Variants in ID4 observed in about 807,000 individuals in gnomAD.
ID4 encodes inhibitor of DNA binding 4.
Under a neutral mutation model 8.6 loss-of-function variants are expected in ID4, and 9 were observed. That is an observed-to-expected ratio of 1.04 (90% CI 0.63 to 1.82). The LOEUF is 1.82. Ranked by LOEUF, ID4 falls within the 40% of genes most tolerant of loss-of-function variation. ID4 has a pLI of 0.00. For missense variants in ID4, 270 were observed against 235.1 expected (o/e 1.15, Z -0.97); for synonymous variants, 180 against 118.0 (o/e 1.53, Z -3.41).
chr6:19,838,382 G>A (rs1334159033), intron 1 of ID4, among the ~76,000 whole-genome samples, 187 bp downstream of exon 1: 1 of 152,098 alleles, frequency 6.6e-6, no homozygotes, highest in Non-Finnish European at 1.5e-5. Context: ...GCGCGGGTCC[G>A]GGAGAACGCG....
chr6:19,838,943 G>A lies in ID4; in HGVS notation c.*15-267G>A, dbSNP rs377452008. 226 of 448,652 alleles carry A rather than the reference G, an allele frequency of 5.0e-4. 6 individuals are homozygous for A. In the South Asian group the frequency reaches 5.4e-3, roughly 11 times the overall value. 27.8% of individuals were successfully genotyped at this position (448,652 alleles called of 1,614,324 possible). Reference sequence around the variant, plus strand: ...GTTCCCGAGGGAGGGCACCCTCGTGGGCATGGGAGCTGCCCCGGTGTCCTC... The same window carrying A: ...GTTCCCGAGGGAGGGCACCCTCGTGAGCATGGGAGCTGCCCCGGTGTCCTC... On this transcript the variant is annotated intron_variant, in intron 2 of 2. Transcript: ENST00000378700.
chr6:19,837,671 C>T lies in ID4; in HGVS notation c.-84C>T, dbSNP rs1402037327. 1 of 971,648 alleles carries T rather than the reference C, an allele frequency of 1.0e-6. No homozygotes were observed. The highest frequency in any genetic ancestry group is 1.3e-6 in the Non-Finnish European group (1 of 798,882). 60.2% of individuals were successfully genotyped at this position (971,648 alleles called of 1,614,324 possible). A position where few individuals can be genotyped will look rare whatever the true frequency, so the allele number is the denominator to read the frequency against. On this transcript the variant is annotated 5_prime_UTR_variant, in exon 1 of 3. Transcript: ENST00000378700. ...GGGCGCGGAGGCAAAGGGAGCGGAGCCGGCCGCGGACGGGGCCCGGAGCTT... is the reference window on the plus strand; with the variant it reads ...GGGCGCGGAGGCAAAGGGAGCGGAGTCGGCCGCGGACGGGGCCCGGAGCTT...
chr6:19,841,713 T>TA lies in ID4; in HGVS notation c.*2524dup, dbSNP rs745538474. 2.9e-4 allele frequency among the ~76,000 whole-genome samples: 44 copies of TA among 152,342 alleles called. No individual in the cohort carries two copies. The highest frequency in any genetic ancestry group is 5.0e-4 in the Non-Finnish European group (34 of 68,030). ...AGAAACAAAGTCATTGTTTATTTTT[T>TA]AAAAAATTATATGCAGTTGTACAAG... On this transcript the variant is annotated 3_prime_UTR_variant, in exon 3 of 3. Coordinates refer to ENST00000378700, the MANE Select transcript of ID4 (RefSeq NM_001546.4).
In ID4 at chr6:19,837,628, C is replaced by A; in HGVS notation, c.-127C>A. ...TCAATTGTTGGGCTCGGGAGTGTCG[C>A]GGTGCCCCGAGCGCGCCGGGCGCGG... On this transcript the variant is annotated 5_prime_UTR_variant, in exon 1 of 3. Coordinates refer to ENST00000378700, the MANE Select transcript of ID4 (RefSeq NM_001546.4). 3.8e-6 allele frequency: 2 copies of A among 527,164 alleles called. No homozygotes were observed. Among genetic ancestry groups the A allele is most frequent in the Non-Finnish European group, 5.1e-6 (2 of 394,272 alleles). 32.7% of individuals were successfully genotyped at this position (527,164 alleles called of 1,614,324 possible).
At position 19,841,824 on chromosome 6, in the gene ID4, C is replaced by G. The variant is rs957829338; in HGVS notation, c.*2629C>G. On this transcript the variant is annotated 3_prime_UTR_variant, in exon 3 of 3. Transcript: ENST00000378700. Reference sequence around the variant, plus strand: ...TTTTGAGTCTTTTATCTAGGTAGTTCTAATTATTCAGCTACTTAGTTTAAC... The same window carrying G: ...TTTTGAGTCTTTTATCTAGGTAGTTGTAATTATTCAGCTACTTAGTTTAAC... 6.6e-6 allele frequency among the ~76,000 whole-genome samples: 1 copy of G among 152,150 alleles called. No homozygotes were observed. The highest frequency in any genetic ancestry group is 2.4e-5 in the African/African-American group (1 of 41,440).
chr6:19,842,161 G>A lies in ID4; in HGVS notation c.*2966G>A, dbSNP rs967123096. ...TCGAGCCCACAAATCTATTGTATTA[G>A]TTGCCTTCTATAACAATAAATCTTC... On this transcript the variant is annotated 3_prime_UTR_variant, in exon 3 of 3. Transcript: ENST00000378700. Among the ~76,000 whole-genome samples, 3 of 152,102 alleles carry A rather than the reference G, an allele frequency of 2.0e-5. No homozygotes were observed. The highest frequency in any genetic ancestry group is 7.2e-5 in the African/African-American group (3 of 41,416).
intron 2 of ID4, 90 bp downstream of exon 2, chr6:19,838,732 C>A (rs1761288014): frequency 2.6e-6 from 3 of 1,161,894 alleles, no homozygotes; most frequent in South Asian, 2.7e-5. Flanking sequence ...GTGTTCTTTG[C>A]CCCCAGCGTT....
Position 19,841,302 on chromosome 6 carries a change from C to T in ID4, c.*2107C>T, listed in dbSNP as rs567998355. Among the ~76,000 whole-genome samples, 3 of 152,156 alleles carry T rather than the reference C, an allele frequency of 2.0e-5. No homozygotes were observed. Among genetic ancestry groups the T allele is most frequent in the Admixed American group, 1.3e-4 (2 of 15,274 alleles). ...CTTGTCACACATCAAGAAGAAAACA[C>T]TAGAGTGCTGCTGGAATTCCAAATC... On this transcript the variant is annotated 3_prime_UTR_variant, in exon 3 of 3. Transcript: ENST00000378700.
At position 19,837,931 on chromosome 6, in the gene ID4, G is replaced by C; in HGVS notation, c.177G>C (p.Glu59Asp). ...AGGCGGCCGAGGCGGCGGCCGACGA[G>C]CCGGCGCTGTGCCTGCAGTGCGATA... ...RCKAAEAAADEPALCLQCDMN... is the reference protein window; with the variant it reads ...RCKAAEAAADDPALCLQCDMN... Residue 59 changes from glutamate to aspartate, a missense_variant, in exon 1 of 3, where the codon GAG becomes GAC. Glu to Asp is a conservative substitution (Grantham distance 45, BLOSUM62 2). Around this residue, in one of 3 missense-constraint regions of ID4, gnomAD observed 160 missense variants for 131.5 expected, o/e 1.22. Transcript: ENST00000378700. The C allele has an allele frequency of 6.8e-6, 10 of 1,474,816 alleles. No homozygotes were observed. The highest frequency in any genetic ancestry group is 9.0e-6 in the Non-Finnish European group (10 of 1,107,868). The allele number at this position is 1,474,816 out of a possible 1,614,324, so 91.4% of individuals were successfully genotyped here.
chr6:19,838,008 A>C lies in ID4; in HGVS notation c.254A>C (p.Asn85Thr). Reference protein sequence around the residue: ...LRRLVPTIPPNKKVSKVEILQ... With the variant: ...LRRLVPTIPPTKKVSKVEILQ... Reference sequence around the variant, plus strand: ...AGGCTGGTGCCCACCATCCCGCCCAACAAGAAAGTCAGCAAAGTGGAGATC... The same window carrying C: ...AGGCTGGTGCCCACCATCCCGCCCACCAAGAAAGTCAGCAAAGTGGAGATC... The change falls in exon 1 of 3, where the codon AAC becomes ACC. Residue 85 changes from asparagine (N) to threonine (T), a missense_variant. By Grantham distance (65) the Asn-to-Thr change is moderately conservative. Transcript: ENST00000378700. The C allele has an allele frequency of 6.2e-7, 1 of 1,604,214 alleles. No individual in the cohort carries two copies. The highest frequency in any genetic ancestry group is 1.3e-5 in the African/African-American group (1 of 74,502).
rs1362341387 is a variant in ID4, at chr6:19,838,209, C to T, written c.441+14C>T. ...AACACCGACCCGGTGAGAGGCCGGG[C>T]GCCGGCCGTGGGCGGACGCCGCGGG... On this transcript the variant is annotated intron_variant, in intron 1 of 2. Coordinates refer to ENST00000378700, the MANE Select transcript of ID4 (RefSeq NM_001546.4). The T allele has an allele frequency of 7.4e-7, 1 of 1,346,372 alleles. No homozygotes were observed. The allele number at this position is 1,346,372 out of a possible 1,614,324, so 83.4% of individuals were successfully genotyped here. A position where few individuals can be genotyped will look rare whatever the true frequency, so the allele number is the denominator to read the frequency against.
At chr6:19,839,010 G>A (rs1473214686) in intron 2 of ID4, 200 bp from the exon 3 acceptor site, 3 of 231,438 alleles carry the variant, frequency 1.3e-5, no homozygotes, top group African/African-American at 4.6e-5. Flanking sequence ...CGGGCAGGGC[G>A]CCGGAGTGGG....
Position 19,837,487 on chromosome 6 carries a change from A to C in ID4, c.-268A>C. On this transcript the variant is annotated 5_prime_UTR_variant, in exon 1 of 3. Coordinates refer to ENST00000378700, the MANE Select transcript of ID4 (RefSeq NM_001546.4). ...CGGAGCTCCGAAGGGAGTGACTAGG[A>C]CACCCGGGTGGGCTACTTTTCTTCC... 6.0e-6 allele frequency: 1 copy of C among 166,696 alleles called. No individual in the cohort carries two copies. Among genetic ancestry groups the C allele is most frequent in the Non-Finnish European group, 1.3e-5 (1 of 78,646 alleles). 10.3% of individuals were successfully genotyped at this position (166,696 alleles called of 1,614,324 possible).
intron 1 of ID4, among the ~76,000 whole-genome samples, 175 bp from the exon 2 acceptor site, chr6:19,838,409 G>A (rs1761276820): frequency 1.3e-5 from 2 of 152,152 alleles, no homozygotes; most frequent in Admixed American, 6.5e-5. Flanking sequence ...GGGACTCGGG[G>A]CTGTGGGCGC....
Position 19,841,925 on chromosome 6 carries a change from G to T in ID4, c.*2730G>T, listed in dbSNP as rs1165840714. Among the ~76,000 whole-genome samples, 2 of 152,096 alleles carry T rather than the reference G, an allele frequency of 1.3e-5. No individual in the cohort carries two copies. Among genetic ancestry groups the T allele is most frequent in the East Asian group, 3.9e-4 (2 of 5,194 alleles). ...ATAGGCACAACCAAAGAGTCAGACT[G>T]GTTTAAAACTCCAGAAGGAAAAAAA... On this transcript the variant is annotated 3_prime_UTR_variant, in exon 3 of 3. Transcript: ENST00000378700.
In ID4 at chr6:19,837,718, C is replaced by A; in HGVS notation, c.-37C>A. 2 of 1,102,432 alleles carry A rather than the reference C, an allele frequency of 1.8e-6. No individual in the cohort carries two copies. The highest frequency in any genetic ancestry group is 2.2e-6 in the Non-Finnish European group (2 of 904,596). The allele number at this position is 1,102,432 out of a possible 1,614,324, so 68.3% of individuals were successfully genotyped here. On this transcript the variant is annotated 5_prime_UTR_variant, in exon 1 of 3. Transcript: ENST00000378700. ...GCTTGCCTGCCTCCCTCGCTCGCCCCAGCGGGTTCGCTCGCGTAGAGCGCA... is the reference window on the plus strand; with the variant it reads ...GCTTGCCTGCCTCCCTCGCTCGCCCAAGCGGGTTCGCTCGCGTAGAGCGCA...
chr6:19,838,245 TTGGTGGCG>T (rs1210965298), intron 1 of ID4, 50 bp downstream of exon 1: 19 of 1,308,408 alleles, frequency 1.5e-5, no homozygotes, highest in Admixed American at 8.4e-5. Context: ...GGATGGGAGG[TTGGTGGCG>T]TGGTGGCGGG....
chr6:19,838,529 G>A, intron 1 of ID4, 55 bp from the exon 2 acceptor site: 3 of 1,611,346 alleles, frequency 1.9e-6, no homozygotes, highest in Non-Finnish European at 2.5e-6. Context: ...GGACCGTGTC[G>A]AGCGCGTTGT....
At chr6:19,838,441 T>A (rs1761277498) in intron 1 of ID4, 143 bp from the exon 2 acceptor site, 7 of 1,190,676 alleles carry the variant, frequency 5.9e-6, no homozygotes, top group Non-Finnish European at 8.5e-6. Context: ...AAGTCCCGCC[T>A]GAGCCCGGAG....
Sources: gnomAD v4.1 joint callset for allele counts (sites outside exome capture counted in the v4.1 genomes callset) on GRCh38, gnomAD v4.1.1 for gene constraint, gnomAD v4.1.1 regional missense constraint, MANE v1.5 for transcripts, NCBI Gene and HGNC (gene_info 2026-07-23, HGNC 2026-07-21) for gene names.